THSD7A: variants seen among roughly 807,000 people sequenced by gnomAD.
THSD7A encodes thrombospondin type 1 domain containing 7A, also known as thrombospondin type-1 domain-containing protein 7A.
THSD7A carries 96 observed loss-of-function variants against 231.3 expected under a neutral mutation model. The ratio of observed to expected loss-of-function variants is 0.41; its 90% CI spans 0.35 to 0.49. THSD7A has a LOEUF of 0.49. Among genes scored for constraint, THSD7A ranks in the 20% least tolerant of loss-of-function variants. THSD7A has a pLI of 0.05. For synonymous variants in THSD7A, 940 were observed against 743.3 expected (o/e 1.26, Z -4.30); for missense variants, 2,290 against 2,070.2 (o/e 1.11, Z -2.06).
Position 11,814,797 on chromosome 7 carries a change from A to AT in THSD7A, c.190+16959dup, listed in dbSNP as rs1478398735. 6.6e-6 allele frequency among the ~76,000 whole-genome samples: 1 copy of AT among 152,160 alleles called. No homozygotes were observed. Among genetic ancestry groups the AT allele is most frequent in the African/African-American group, 2.4e-5 (1 of 41,428 alleles). ...CCAAATCCATTTTGATGACTCTCCC[A>AT]TTAGAGGTATGTAGTCACCACAGCA... On this transcript the variant is annotated intron_variant, in intron 1 of 27. Coordinates refer to ENST00000423059, the MANE Select transcript of THSD7A (RefSeq NM_015204.3). This position sits in a 1 kb window ranked among gnomAD's most constrained non-coding sequence, Gnocchi z 5.1.
intron 6 of THSD7A, among the ~76,000 whole-genome samples, chr7:11,516,419 A>G (rs949441456): frequency 1.3e-5 from 2 of 152,202 alleles, no homozygotes; most frequent in African/African-American, 2.4e-5. Context: ...ACTACTGATC[A>G]GCTAGCTCTG....
At chr7:11,615,942 T>C (rs971790370) in intron 2 of THSD7A, among the ~76,000 whole-genome samples, 9 of 152,296 alleles carry the variant, frequency 5.9e-5, no homozygotes, top group African/African-American at 2.2e-4. Flanking sequence ...ATGTAACATT[T>C]AAAAAATATC....
rs752913975 is a variant in THSD7A, at chr7:11,429,082, G to A, written c.3108C>T (p.Cys1036=). The A allele has an allele frequency of 1.2e-5, 20 of 1,611,042 alleles. No homozygotes were observed. In the East Asian group the frequency reaches 4.2e-4, roughly 34 times the overall value. The change falls in exon 14 of 28, where the codon TGC becomes TGT. Residue 1036 remains cysteine (C), a synonymous_variant. Transcript: ENST00000423059. ...EACIIPCPSD[C]KLSEWSNWSR... Reference sequence around the variant, plus strand: ...ACCAGTTGGACCACTCACTGAGCTTGCAGTCTGAGGGGCAGGGGATGATGC... The same window carrying A: ...ACCAGTTGGACCACTCACTGAGCTTACAGTCTGAGGGGCAGGGGATGATGC...
chr7:11,465,860 C>T (rs1043082087), intron 9 of THSD7A, among the ~76,000 whole-genome samples: 1 of 152,072 alleles, frequency 6.6e-6, no homozygotes, highest in African/African-American at 2.4e-5. Flanking sequence ...ATTAGAGGTA[C>T]AAATAATTTA....
intron 4 of THSD7A, among the ~76,000 whole-genome samples, chr7:11,553,221 C>A (rs888953349): frequency 6.6e-6 from 1 of 152,050 alleles, no homozygotes; most frequent in African/African-American, 2.4e-5. Context: ...AACAGTTGTC[C>A]CTATGTATAC....
intron 1 of THSD7A, among the ~76,000 whole-genome samples, chr7:11,792,888 A>G (rs1784003348): frequency 6.6e-6 from 1 of 151,962 alleles, no homozygotes; most frequent in African/African-American, 2.4e-5. Context: ...GTGTCAGTAA[A>G]ATTTCATTTG....
intron 22 of THSD7A, among the ~76,000 whole-genome samples, chr7:11,404,710 T>C (rs1783524368): frequency 6.6e-6 from 1 of 152,240 alleles, no homozygotes; most frequent in Admixed American, 6.5e-5. Flanking sequence ...ACACTTTGCC[T>C]GGCTTTAGAA....
chr7:11,545,110 G>A (rs888298946), intron 4 of THSD7A, among the ~76,000 whole-genome samples: 9 of 152,058 alleles, frequency 5.9e-5, no homozygotes, highest in African/African-American at 1.9e-4. Flanking sequence ...GACATGTATA[G>A]GCAGAAGAGT....
chr7:11,475,158 C>T (rs1023054090), intron 7 of THSD7A, among the ~76,000 whole-genome samples: 3 of 152,074 alleles, frequency 2.0e-5, no homozygotes, highest in South Asian at 2.1e-4. Flanking sequence ...GTAGACTGGG[C>T]TTATGTTATA....
intron 1 of THSD7A, among the ~76,000 whole-genome samples, chr7:11,720,700 C>T (rs1178720497): frequency 6.6e-6 from 1 of 151,740 alleles, no homozygotes; most frequent in Non-Finnish European, 1.5e-5. Context: ...CTGCTTGCAC[C>T]ATGGCTACTA....
chr7:11,494,061 T>C (rs139348478), intron 6 of THSD7A, among the ~76,000 whole-genome samples: 2,342 of 152,152 alleles, frequency 0.015, 28 homozygotes, highest in South Asian at 0.03. Context: ...ATTTTGCTCC[T>C]ATAGAAGGAA....
intron 4 of THSD7A, among the ~76,000 whole-genome samples, chr7:11,584,820 T>A (rs1791326317): frequency 6.6e-6 from 1 of 152,206 alleles, no homozygotes. Flanking sequence ...AGATCATGTG[T>A]CCTCTATTCA....
chr7:11,607,755 G>A (rs1260815175), intron 2 of THSD7A, among the ~76,000 whole-genome samples: 1 of 152,168 alleles, frequency 6.6e-6, no homozygotes, highest in East Asian at 1.9e-4. Context: ...GAGGCAAAAT[G>A]CACTCATGTT....
intron 1 of THSD7A, among the ~76,000 whole-genome samples, chr7:11,656,531 A>T (rs1351661523): frequency 6.6e-6 from 1 of 151,856 alleles, no homozygotes; most frequent in Non-Finnish European, 1.5e-5. Context: ...TTTAATGATT[A>T]TCTTTTGGAT....
chr7:11,706,099 A>C (rs986237334), intron 1 of THSD7A, among the ~76,000 whole-genome samples: 1 of 150,994 alleles, frequency 6.6e-6, no homozygotes, highest in African/African-American at 2.4e-5. Flanking sequence ...TACACTTGAA[A>C]ATTTATTCCA....
At chr7:11,793,272 C>T (rs1217211021) in intron 1 of THSD7A, among the ~76,000 whole-genome samples, 1 of 151,840 alleles carries the variant, frequency 6.6e-6, no homozygotes, top group Non-Finnish European at 1.5e-5. Context: ...CAAAACATAA[C>T]AATGGCCGAA....
chr7:11,621,390 C>G (rs893177111), intron 2 of THSD7A, among the ~76,000 whole-genome samples: 1 of 152,124 alleles, frequency 6.6e-6, no homozygotes. Context: ...CTTTTGCTTT[C>G]TTTCTGGCAA....
intron 1 of THSD7A, among the ~76,000 whole-genome samples, chr7:11,775,432 G>C (rs1163149536): frequency 2.0e-5 from 3 of 152,128 alleles, no homozygotes; most frequent in Non-Finnish European, 4.4e-5. Context: ...TCCAAAAGTG[G>C]AAGCACCCCA....
chr7:11,460,649 T>C lies in THSD7A; in HGVS notation c.2605+13A>G. The C allele has an allele frequency of 2.5e-6, 4 of 1,594,172 alleles. No individual in the cohort carries two copies. Among genetic ancestry groups the C allele is most frequent in the Non-Finnish European group, 2.6e-6 (3 of 1,169,088 alleles). On this transcript the variant is annotated intron_variant, in intron 11 of 27. Transcript: ENST00000423059. ...GATGCTGGAGAAATGAACTGTGGAA[T>C]GGGGCCTCCCACCTCTTGCCTGTCG...
Sources: allele counts gnomAD v4.1 joint callset (sites outside exome capture counted in the v4.1 genomes callset), GRCh38; gene constraint gnomAD v4.1.1; non-coding constraint Gnocchi (gnomAD v3.1); transcripts MANE v1.5; gene names NCBI Gene and HGNC (gene_info 2026-07-23, HGNC 2026-07-21).